Variants in GPR39 observed in about 807,000 individuals in gnomAD.
GPR39 encodes G protein-coupled receptor 39.
GPR39 carries 23 observed loss-of-function variants against 18.4 expected under a neutral mutation model. The ratio of observed to expected loss-of-function variants is 1.25; its 90% CI spans 0.90 to 1.77. The LOEUF (loss-of-function observed/expected upper bound fraction) is 1.77, where lower values mean the gene tolerates loss of function less well. Ranked by LOEUF, GPR39 falls within the 40% of genes most tolerant of loss-of-function variation. The pLI is 0.00. For missense variants in GPR39, 647 were observed against 602.4 expected, an observed-to-expected ratio of 1.07 and a Z score of -0.78; for synonymous variants, 280 against 257.9, an observed-to-expected ratio of 1.09 and a Z score of -0.82.
intron 1 of GPR39, among the ~76,000 whole-genome samples, chr2:132,618,290 G>A (rs1681375634): frequency 6.6e-6 from 1 of 152,184 alleles, no homozygotes; most frequent in Admixed American, 6.5e-5. Flanking sequence ...TTCAGCCTGA[G>A]ATCAATTTGC....
At chr2:132,476,455 G>A (rs1681127157) in intron 1 of GPR39, among the ~76,000 whole-genome samples, 5 of 152,034 alleles carry the variant, frequency 3.3e-5, no homozygotes, top group African/African-American at 1.2e-4. Context: ...GGGCAACATG[G>A]TGAAACCCTG....
chr2:132,559,466 A>G (rs972381028), intron 1 of GPR39, among the ~76,000 whole-genome samples: 11 of 152,080 alleles, frequency 7.2e-5, no homozygotes, highest in African/African-American at 2.7e-4. Context: ...CCCGAGTTTC[A>G]TTCAGTGAAC....
At chr2:132,613,989 G>A (rs977071540) in intron 1 of GPR39, among the ~76,000 whole-genome samples, 3 of 152,146 alleles carry the variant, frequency 2.0e-5, no homozygotes, top group Admixed American at 6.5e-5. Context: ...AGAAACTGAG[G>A]TCCATAGAGA....
At chr2:132,461,688 T>C (rs1372550534) in intron 1 of GPR39, among the ~76,000 whole-genome samples, 2 of 152,222 alleles carry the variant, frequency 1.3e-5, no homozygotes, top group Non-Finnish European at 2.9e-5. Context: ...ACAACTTTAA[T>C]GGCAGGAGAA....
At chr2:132,568,310 G>C (rs1680386107) in intron 1 of GPR39, among the ~76,000 whole-genome samples, 1 of 152,068 alleles carries the variant, frequency 6.6e-6, no homozygotes, top group South Asian at 2.1e-4. Context: ...TGTTGGGCGG[G>C]GGTGTGATGC....
At chr2:132,597,100 T>A (rs574447329) in intron 1 of GPR39, among the ~76,000 whole-genome samples, 1 of 152,260 alleles carries the variant, frequency 6.6e-6, no homozygotes, top group East Asian at 1.9e-4. Flanking sequence ...AGGAGTAGCA[T>A]GGGGAACTGG....
At chr2:132,494,533 A>G (rs1681601043) in intron 1 of GPR39, among the ~76,000 whole-genome samples, 1 of 152,264 alleles carries the variant, frequency 6.6e-6, no homozygotes, top group Middle Eastern at 3.4e-3. Flanking sequence ...CAGGCCTTAT[A>G]CCAGGCATGA....
At chr2:132,537,053 A>G (rs56341790) in intron 1 of GPR39, among the ~76,000 whole-genome samples, 19,392 of 152,220 alleles carry the variant, frequency 0.13, 1,496 homozygotes, top group Middle Eastern at 0.24. Context: ...TAATTGGCAC[A>G]TGTAGCCCAT....
At chr2:132,509,817 A>G (rs567284711) in intron 1 of GPR39, among the ~76,000 whole-genome samples, 80 of 152,250 alleles carry the variant, frequency 5.3e-4, no homozygotes, top group Middle Eastern at 6.8e-3. Flanking sequence ...CCAATAGGTC[A>G]TCCCAGCCCC....
rs1043010080 is a variant in GPR39 at position 132,565,432 on chromosome 2, G to T, written c.857-79669G>T. On this transcript the variant is annotated intron_variant, in intron 1 of 1. Transcript: ENST00000329321. ...TTTTTTATTATACTTTAAGTTTTAG[G>T]GTACATGTGCACATTGTGCAGGTTA... Among the ~76,000 whole-genome samples the T allele has an allele frequency of 3.3e-5, 5 of 149,562 alleles. No homozygotes were observed. In the East Asian group the frequency reaches 9.8e-4, roughly 29 times the overall value.
At chr2:132,459,870 G>A (rs1476119058) in intron 1 of GPR39, among the ~76,000 whole-genome samples, 2 of 152,206 alleles carry the variant, frequency 1.3e-5, no homozygotes, top group Admixed American at 6.5e-5. Context: ...CCAGGATTAC[G>A]TAGATCAGTG....
chr2:132,451,348 T>A (rs1680630440), intron 1 of GPR39, among the ~76,000 whole-genome samples: 1 of 152,208 alleles, frequency 6.6e-6, no homozygotes, highest in Non-Finnish European at 1.5e-5. Context: ...GTTATTTGTT[T>A]ATAACGTGTC....
chr2:132,558,641 C>T (rs879524784), intron 1 of GPR39, among the ~76,000 whole-genome samples: 1 of 152,092 alleles, frequency 6.6e-6, no homozygotes, highest in Non-Finnish European at 1.5e-5. Context: ...AGGGCCTAAC[C>T]TGATTAACAA....
intron 1 of GPR39, among the ~76,000 whole-genome samples, chr2:132,625,873 G>A (rs910963002): frequency 6.6e-5 from 10 of 152,108 alleles, no homozygotes; most frequent in African/African-American, 1.9e-4. Flanking sequence ...AGGCCAAGGC[G>A]GGTGGATCAC....
chr2:132,454,293 G>C (rs971162048), intron 1 of GPR39, among the ~76,000 whole-genome samples: 1 of 152,110 alleles, frequency 6.6e-6, no homozygotes, highest in African/African-American at 2.4e-5. Flanking sequence ...GTCTGTTAAT[G>C]GTGTATAGGA....
rs369086273 is a variant in GPR39 at position 132,439,719 on chromosome 2, A to G, written c.856+21821A>G. Among the ~76,000 whole-genome samples the G allele has an allele frequency of 3.3e-5, 5 of 152,316 alleles. No homozygotes were observed. The East Asian group carries it at 7.7e-4, about 23-fold the overall frequency. ...GGCTCTGAAGAGAGAAGTGATTTTTAAAAATCTTAGGGAATACAAAGCATT... is the reference window on the plus strand; with the variant it reads ...GGCTCTGAAGAGAGAAGTGATTTTTGAAAATCTTAGGGAATACAAAGCATT... On this transcript the variant is annotated intron_variant, in intron 1 of 1. Transcript: ENST00000329321.
intron 1 of GPR39, among the ~76,000 whole-genome samples, chr2:132,556,839 G>A (rs1680160561): frequency 6.6e-6 from 1 of 152,042 alleles, no homozygotes; most frequent in African/African-American, 2.4e-5. Context: ...CCTTCCCTTT[G>A]AAGACACCAA....
At chr2:132,512,924 A>G (rs1679266630) in intron 1 of GPR39, among the ~76,000 whole-genome samples, 1 of 152,144 alleles carries the variant, frequency 6.6e-6, no homozygotes, top group Admixed American at 6.5e-5. Flanking sequence ...CTACCCCAAA[A>G]CATTGTGGCT....
At chr2:132,550,595 C>T (rs1680025298) in intron 1 of GPR39, among the ~76,000 whole-genome samples, 1 of 152,166 alleles carries the variant, frequency 6.6e-6, no homozygotes, top group African/African-American at 2.4e-5. Context: ...AATTAGGAGG[C>T]TACAGAAGAA....
Sources: gnomAD v4.1 joint callset for allele counts (sites outside exome capture counted in the v4.1 genomes callset) on GRCh38, gnomAD v4.1.1 for gene constraint, MANE v1.5 for transcripts, NCBI Gene and HGNC (gene_info 2026-07-23, HGNC 2026-07-21) for gene names.